Variants in NELL1 observed in about 807,000 individuals in gnomAD.
NELL1 encodes protein kinase C-binding protein NELL1.
NELL1 carries 76 observed loss-of-function variants against 107.4 expected under a neutral mutation model. The ratio of observed to expected loss-of-function variants is 0.71; its 90% CI spans 0.59 to 0.86. The LOEUF is 0.86. Among genes scored for constraint, NELL1 ranks in the 40% least tolerant of loss-of-function variants. The probability of loss-of-function intolerance (pLI) is 0.00; values close to 1 mark genes in which losing one functional copy is unlikely to be tolerated. For synonymous variants in NELL1, 353 were observed against 341.2 expected (o/e 1.03, Z -0.38); for missense variants, 1,024 against 1,005.5 (o/e 1.02, Z -0.25).
chr11:21,330,002 A>T, intron 14 of NELL1, among the ~76,000 whole-genome samples: 1 of 152,068 alleles, frequency 6.6e-6, no homozygotes, highest in East Asian at 1.9e-4. Flanking sequence ...AATAAATTAT[A>T]TGTTTGTAAA....
chr11:20,810,546 A>C (rs1444030786), intron 3 of NELL1, among the ~76,000 whole-genome samples: 1 of 152,226 alleles, frequency 6.6e-6, no homozygotes, highest in Non-Finnish European at 1.5e-5. Context: ...AAATGCTGTT[A>C]ATTCATTCCT....
At chr11:20,679,568 T>C (rs1854142079) in intron 2 of NELL1, among the ~76,000 whole-genome samples, 2 of 152,212 alleles carry the variant, frequency 1.3e-5, no homozygotes, top group Non-Finnish European at 2.9e-5. Flanking sequence ...TGGTGAAGTA[T>C]GTAAGCTGGG....
At chr11:20,963,288 A>C (rs1851325453) in intron 12 of NELL1, among the ~76,000 whole-genome samples, 1 of 152,142 alleles carries the variant, frequency 6.6e-6, no homozygotes, top group African/African-American at 2.4e-5. Context: ...AACCACATGC[A>C]GAAGACTTCC....
At chr11:21,381,627 G>A (rs1851609548) in intron 15 of NELL1, among the ~76,000 whole-genome samples, 1 of 151,856 alleles carries the variant, frequency 6.6e-6, no homozygotes, top group Non-Finnish European at 1.5e-5. Context: ...CAGGTAAACA[G>A]TAAAGCCATG....
At chr11:21,570,065 T>C (rs1857062634) in intron 17 of NELL1, among the ~76,000 whole-genome samples, 1 of 151,912 alleles carries the variant, frequency 6.6e-6, no homozygotes, top group Non-Finnish European at 1.5e-5. Context: ...CTGCTGACTT[T>C]CAATTTTTTA....
At chr11:21,212,861 A>G (rs1445330093) in intron 13 of NELL1, among the ~76,000 whole-genome samples, 1 of 152,228 alleles carries the variant, frequency 6.6e-6, no homozygotes, top group Admixed American at 6.5e-5. Flanking sequence ...GTTTTAGCCA[A>G]AACAATAAGG....
intron 14 of NELL1, among the ~76,000 whole-genome samples, chr11:21,264,759 G>T (rs2133927105): frequency 6.6e-6 from 1 of 152,022 alleles, no homozygotes; most frequent in East Asian, 1.9e-4. Context: ...GAGTGTGTGT[G>T]TGTGTGCGTG....
intron 13 of NELL1, among the ~76,000 whole-genome samples, chr11:21,197,721 C>G (rs1264561772): frequency 6.6e-6 from 1 of 151,378 alleles, no homozygotes. Context: ...AGTGAGGCAT[C>G]CTTTAATACA....
chr11:21,148,043 C>T (rs1272136569), intron 13 of NELL1, among the ~76,000 whole-genome samples: 1 of 151,996 alleles, frequency 6.6e-6, no homozygotes, highest in Non-Finnish European at 1.5e-5. Context: ...GGCAGGCCAG[C>T]TATGTTAGCA....
chr11:20,687,054 T>TTTG (rs1319672245), intron 2 of NELL1, among the ~76,000 whole-genome samples: 1 of 151,308 alleles, frequency 6.6e-6, no homozygotes, highest in Non-Finnish European at 1.5e-5. Flanking sequence ...TCTTTTTTTT[T>TTTG]TTTTCAAATT....
chr11:20,765,440 C>T (rs1425404240), intron 2 of NELL1, among the ~76,000 whole-genome samples: 1 of 152,154 alleles, frequency 6.6e-6, no homozygotes, highest in Non-Finnish European at 1.5e-5. Context: ...CATGCAGCCT[C>T]ACACTAGGAT....
chr11:20,680,283 G>A (rs902147925), intron 2 of NELL1, among the ~76,000 whole-genome samples: 3 of 152,000 alleles, frequency 2.0e-5, no homozygotes, highest in African/African-American at 7.2e-5. Flanking sequence ...CTGCCCTCTA[G>A]ATCCCAAGGA....
intron 15 of NELL1, among the ~76,000 whole-genome samples, chr11:21,464,430 A>G (rs1050018835): frequency 4.0e-5 from 6 of 151,016 alleles, no homozygotes; most frequent in Non-Finnish European, 7.4e-5. Context: ...AATTCAGAGT[A>G]ATAGCATAGA....
intron 13 of NELL1, among the ~76,000 whole-genome samples, chr11:21,228,333 G>T (rs1036738873): frequency 6.6e-6 from 1 of 152,140 alleles, no homozygotes; most frequent in South Asian, 2.1e-4. Context: ...TTCCCTCCAT[G>T]TCCTGTGGGT....
At chr11:21,532,111 A>G (rs2133968378) in intron 15 of NELL1, among the ~76,000 whole-genome samples, 1 of 152,304 alleles carries the variant, frequency 6.6e-6, no homozygotes, top group East Asian at 1.9e-4. Flanking sequence ...GATTATTTCC[A>G]GTGAGTTTCT....
intron 15 of NELL1, among the ~76,000 whole-genome samples, chr11:21,490,172 A>G (rs1162991652): frequency 6.6e-6 from 1 of 152,056 alleles, no homozygotes; most frequent in African/African-American, 2.4e-5. Flanking sequence ...AAAAAAATCA[A>G]GAAAGCAATT....
At chr11:20,768,645 G>A (rs550893174) in intron 2 of NELL1, among the ~76,000 whole-genome samples, 1 of 152,220 alleles carries the variant, frequency 6.6e-6, no homozygotes, top group South Asian at 2.1e-4. Context: ...AATCACAAGG[G>A]TTCTCATAAG....
chr11:20,735,435 A>G (rs1207941941), intron 2 of NELL1, among the ~76,000 whole-genome samples: 6 of 152,226 alleles, frequency 3.9e-5, no homozygotes, highest in Non-Finnish European at 8.8e-5. Flanking sequence ...AGTGCCAAGC[A>G]GAGGGGAAAA....
At chr11:20,697,723 A>G (rs1854662075) in intron 2 of NELL1, among the ~76,000 whole-genome samples, 1 of 152,128 alleles carries the variant, frequency 6.6e-6, no homozygotes, top group Non-Finnish European at 1.5e-5. Context: ...AAGTGTGGAT[A>G]AAGTCTTAAG....
Sources: allele counts gnomAD v4.1 joint callset (sites outside exome capture counted in the v4.1 genomes callset), GRCh38; gene constraint gnomAD v4.1.1; transcripts MANE v1.5; gene names NCBI Gene and HGNC (gene_info 2026-07-23, HGNC 2026-07-21).